The following RBFOX1 variants were observed in gnomAD, a reference collection of about 807,000 sequenced individuals.
RBFOX1 encodes the protein RNA binding fox-1 homolog 1.
A neutral mutation model predicts 57.7 loss-of-function variants in RBFOX1; 8 were observed. That is an observed-to-expected ratio of 0.14 (90% CI 0.08 to 0.25). The LOEUF is 0.25. Among genes scored for constraint, RBFOX1 ranks in the 10% least tolerant of loss-of-function variants. RBFOX1 has a pLI of 1.00. For missense variants in RBFOX1, 611 were observed against 548.5 expected, an observed-to-expected ratio of 1.11 and a Z score of -1.14; for synonymous variants, 326 against 222.4, an observed-to-expected ratio of 1.47 and a Z score of -4.15.
intron 2 of RBFOX1, among the ~76,000 whole-genome samples, chr16:6,473,289 G>A (rs1036840405): frequency 2.0e-5 from 3 of 152,094 alleles, no homozygotes; most frequent in Non-Finnish European, 4.4e-5. Context: ...TCTCATTTTT[G>A]TAGTTCTGTA....
In RBFOX1 at chr16:6,258,993, C is replaced by T. The variant is rs112339289; in HGVS notation, c.-126-58002C>T. ...CATTTACAACATTAGATGACTGATA[C>T]AGAATAACAAGATATAGACTTTCTT... On this transcript the variant is annotated intron_variant, in intron 1 of 15. Coordinates refer to ENST00000550418, the MANE Select transcript of RBFOX1 (RefSeq NM_018723.4). Among the ~76,000 whole-genome samples, 1,175 of 152,290 alleles carry T rather than the reference C, an allele frequency of 7.7e-3. 13 individuals are homozygous for T. Among genetic ancestry groups the T allele is most frequent in the African/African-American group, 0.026 (1,082 of 41,566 alleles).
intron 4 of RBFOX1, among the ~76,000 whole-genome samples, chr16:5,979,154 C>G (rs559160058): frequency 6.6e-6 from 1 of 152,186 alleles, no homozygotes; most frequent in Non-Finnish European, 1.5e-5. Flanking sequence ...AGTTAAAACT[C>G]CCTTACCTGT....
chr16:6,227,238 A>G (rs1365417751), intron 1 of RBFOX1, among the ~76,000 whole-genome samples: 1 of 152,176 alleles, frequency 6.6e-6, no homozygotes, highest in Non-Finnish European at 1.5e-5. Context: ...AATTCCCTGG[A>G]GGCCCTCTTA....
intron 3 of RBFOX1, among the ~76,000 whole-genome samples, chr16:5,698,525 A>G (rs1316120250): frequency 6.6e-6 from 1 of 152,154 alleles, no homozygotes; most frequent in Non-Finnish European, 1.5e-5. Flanking sequence ...GAGCTGCTTT[A>G]TAGTTTATTT....
chr16:6,904,726 C>T (rs184173053), intron 3 of RBFOX1, among the ~76,000 whole-genome samples: 4 of 151,568 alleles, frequency 2.6e-5, no homozygotes, highest in African/African-American at 7.3e-5. Flanking sequence ...TTTCTCTACT[C>T]ACAGGGACCC....
chr16:7,122,399 G>T (rs200643516), intron 4 of RBFOX1, among the ~76,000 whole-genome samples: 5 of 152,040 alleles, frequency 3.3e-5, no homozygotes, highest in Admixed American at 6.6e-5. Flanking sequence ...GGTCCTGAGT[G>T]GGGGGAAAAG....
chr16:6,750,744 A>T (rs1288134872), intron 3 of RBFOX1, among the ~76,000 whole-genome samples: 4 of 152,236 alleles, frequency 2.6e-5, no homozygotes, highest in Non-Finnish European at 4.4e-5. Context: ...AGGGCAGTGT[A>T]TGAGACAGAC....
At chr16:6,564,495 A>C (rs563671051) in intron 2 of RBFOX1, among the ~76,000 whole-genome samples, 102 of 152,144 alleles carry the variant, frequency 6.7e-4, no homozygotes, top group African/African-American at 2.4e-3. Flanking sequence ...TAAACAAACA[A>C]ACACATGGGT....
chr16:5,625,176 G>A (rs1264877686), intron 3 of RBFOX1, among the ~76,000 whole-genome samples: 1 of 152,126 alleles, frequency 6.6e-6, no homozygotes, highest in Non-Finnish European at 1.5e-5. Context: ...CATTGGCTAG[G>A]CTTTACTGGA....
chr16:5,358,242 G>A (rs1204179437), intron 1 of RBFOX1, among the ~76,000 whole-genome samples: 1 of 151,794 alleles, frequency 6.6e-6, no homozygotes, highest in Non-Finnish European at 1.5e-5. Flanking sequence ...GTGAGTGTCT[G>A]TGTCCAAGCT....
At chr16:7,158,404 A>C (rs2077581850) in intron 4 of RBFOX1, among the ~76,000 whole-genome samples, 1 of 152,184 alleles carries the variant, frequency 6.6e-6, no homozygotes, top group African/African-American at 2.4e-5. Context: ...GATCTTACTG[A>C]TGTAGAAAGA....
chr16:6,657,878 C>T (rs1318033631), intron 3 of RBFOX1, among the ~76,000 whole-genome samples: 1 of 151,914 alleles, frequency 6.6e-6, no homozygotes, highest in African/African-American at 2.4e-5. Flanking sequence ...CACAGAACCC[C>T]TATAGGATGT....
intron 2 of RBFOX1, among the ~76,000 whole-genome samples, chr16:6,464,186 G>T (rs558723769): frequency 8.5e-5 from 13 of 152,188 alleles, no homozygotes; most frequent in African/African-American, 3.1e-4. Context: ...AATGAGATGC[G>T]ATCTTTACAA....
chr16:7,647,459 T>C (rs980021729), intron 11 of RBFOX1, among the ~76,000 whole-genome samples: 1 of 152,128 alleles, frequency 6.6e-6, no homozygotes, highest in Non-Finnish European at 1.5e-5. Flanking sequence ...TAAGGATTTA[T>C]ACTATATCCA....
chr16:7,695,061 C>T (rs993253589), intron 14 of RBFOX1, among the ~76,000 whole-genome samples: 11 of 152,154 alleles, frequency 7.2e-5, no homozygotes, highest in East Asian at 1.9e-4. Flanking sequence ...AGTTTGCATG[C>T]GTGTGGTGAG....
chr16:6,114,136 T>G (rs1471246070), intron 1 of RBFOX1, among the ~76,000 whole-genome samples: 2 of 152,198 alleles, frequency 1.3e-5, no homozygotes, highest in Non-Finnish European at 2.9e-5. Context: ...AAGAAAAAAG[T>G]TTTGTGTTAT....
At chr16:7,391,936 C>T (rs570309973) in intron 4 of RBFOX1, among the ~76,000 whole-genome samples, 14 of 152,312 alleles carry the variant, frequency 9.2e-5, no homozygotes, top group African/African-American at 3.4e-4. Context: ...ACCTTATGCA[C>T]TCCATCGCAG....
At chr16:5,752,978 C>A (rs2053265125) in intron 3 of RBFOX1, among the ~76,000 whole-genome samples, 1 of 152,088 alleles carries the variant, frequency 6.6e-6, no homozygotes, top group East Asian at 1.9e-4. Context: ...ATAGTGAGAC[C>A]TCATCACTCC....
chr16:6,468,075 G>C (rs1370036813), intron 2 of RBFOX1, among the ~76,000 whole-genome samples: 1 of 152,114 alleles, frequency 6.6e-6, no homozygotes, highest in African/African-American at 2.4e-5. Flanking sequence ...GGGGGAATAC[G>C]GAGTGGGGAT....
Sources: allele counts gnomAD v4.1 joint callset (sites outside exome capture counted in the v4.1 genomes callset), GRCh38; gene constraint gnomAD v4.1.1; transcripts MANE v1.5; gene names NCBI Gene and HGNC (gene_info 2026-07-23, HGNC 2026-07-21).